The following NPHP4 variants were observed in gnomAD, a reference collection of about 807,000 sequenced individuals.
NPHP4 encodes the protein nephrocystin 4, also known as nephrocystin-4.
NPHP4 carries 151 observed loss-of-function variants against 155.8 expected under a neutral mutation model. The observed-to-expected ratio is 0.97, with a 90% CI of 0.85 to 1.11. The LOEUF (loss-of-function observed/expected upper bound fraction) is 1.11, where lower values mean the gene tolerates loss of function less well. Ranked by LOEUF, NPHP4 falls within the 50% of genes least tolerant of loss-of-function variation. The probability of loss-of-function intolerance (pLI) is 0.00; values close to 1 mark genes in which losing one functional copy is unlikely to be tolerated. For missense variants in NPHP4, 1,956 were observed against 1,925.7 expected, an observed-to-expected ratio of 1.02 and a Z score of -0.29; for synonymous variants, 845 against 816.8, an observed-to-expected ratio of 1.03 and a Z score of -0.59.
At chr1:5,898,338 C>A (rs1187934424) in intron 16 of NPHP4, among the ~76,000 whole-genome samples, 1 of 152,188 alleles carries the variant, frequency 6.6e-6, no homozygotes, top group Non-Finnish European at 1.5e-5. Context: ...GGCAGAGCCC[C>A]CCAAAAAGTG....
intron 19 of NPHP4, among the ~76,000 whole-genome samples, chr1:5,879,860 CGCACACACACAT>C (rs1557635210): frequency 2.0e-5 from 3 of 150,526 alleles, no homozygotes; most frequent in East Asian, 1.9e-4. Flanking sequence ...CACACAGACA[CGCACACACACAT>C]GCACACACAG....
At position 5,867,447 on chromosome 1, in the gene NPHP4, G is replaced by T; in HGVS notation, c.3472+293C>A. ...GGCACCTACCAGAAACACGCGGGCC[G>T]TCAGGTGAGGAGGTAGGTGTTCCTC... On this transcript the variant is annotated intron_variant, in intron 24 of 29. Coordinates refer to ENST00000378156, the MANE Select transcript of NPHP4 (RefSeq NM_015102.5). This position sits in a 1 kb window ranked among gnomAD's most constrained non-coding sequence, Gnocchi z 4.1. 1 of 550,528 alleles carries T rather than the reference G, an allele frequency of 1.8e-6. No homozygotes were observed. 34.1% of individuals were successfully genotyped at this position (550,528 alleles called of 1,614,324 possible).
At chr1:5,883,581 C>G (rs1363128907) in intron 18 of NPHP4, among the ~76,000 whole-genome samples, 1 of 152,234 alleles carries the variant, frequency 6.6e-6, no homozygotes, top group Non-Finnish European at 1.5e-5. Flanking sequence ...AAGGAGGGGC[C>G]TCCCAGGCAC....
At chr1:5,928,822 T>C (rs1323365719) in intron 10 of NPHP4, among the ~76,000 whole-genome samples, 1 of 152,228 alleles carries the variant, frequency 6.6e-6, no homozygotes, top group Non-Finnish European at 1.5e-5. Context: ...AAAATCCTGC[T>C]GAGATTTTGA....
At position 5,944,650 on chromosome 1, in the gene NPHP4, G is replaced by C. The variant is rs1178596351; in HGVS notation, c.1119+2454C>G. Among the ~76,000 whole-genome samples the C allele has an allele frequency of 6.6e-6, 1 of 152,222 alleles. No individual in the cohort carries two copies. Among genetic ancestry groups the C allele is most frequent in the African/African-American group, 2.4e-5 (1 of 41,460 alleles). The stretch of plus-strand genomic sequence containing the variant: ...AGTAAAGTGGAATCCAGTATTCCCA[G>C]TTACAATCGACCAGCACATCGGAAA... On this transcript the variant is annotated intron_variant, in intron 9 of 29. Coordinates refer to ENST00000378156, the MANE Select transcript of NPHP4 (RefSeq NM_015102.5). This position sits in a 1 kb window ranked among gnomAD's most constrained non-coding sequence, Gnocchi z 4.3.
At chr1:5,925,749 G>A (rs111785118) in intron 11 of NPHP4, among the ~76,000 whole-genome samples, 4 of 152,194 alleles carry the variant, frequency 2.6e-5, no homozygotes, top group African/African-American at 9.6e-5. Flanking sequence ...CCAAGTAACT[G>A]GGACTACAGG....
At chr1:5,971,480 G>C (rs1269924675) in intron 3 of NPHP4, among the ~76,000 whole-genome samples, 1 of 152,180 alleles carries the variant, frequency 6.6e-6, no homozygotes, top group Non-Finnish European at 1.5e-5. Flanking sequence ...CCAAGCTAAA[G>C]AATTTATAAC....
At chr1:5,985,519 C>A (rs1655343629) in intron 2 of NPHP4, among the ~76,000 whole-genome samples, 1 of 152,262 alleles carries the variant, frequency 6.6e-6, no homozygotes, top group Admixed American at 6.5e-5. Context: ...CACTGCCAGG[C>A]TGAAAGCGGG....
chr1:5,953,523 C>T (rs1199929462), intron 6 of NPHP4, among the ~76,000 whole-genome samples: 2 of 152,200 alleles, frequency 1.3e-5, no homozygotes, highest in Non-Finnish European at 2.9e-5. Context: ...AGCAGGAACA[C>T]GGCCAGCCAC....
intron 11 of NPHP4, among the ~76,000 whole-genome samples, chr1:5,920,736 T>A (rs1645702856): frequency 6.6e-6 from 1 of 152,252 alleles, no homozygotes; most frequent in Non-Finnish European, 1.5e-5. Context: ...CTTTCTAATC[T>A]TCTCATCTTA....
intron 19 of NPHP4, 125 bp downstream of exon 19, chr1:5,879,989 G>T: frequency 8.5e-7 from 1 of 1,171,570 alleles, no homozygotes; most frequent in Non-Finnish European, 1.2e-6. Flanking sequence ...GGCACTGACA[G>T]CACCACGAAT....
At chr1:5,902,061 G>C (rs1644708817) in intron 16 of NPHP4, among the ~76,000 whole-genome samples, 1 of 152,156 alleles carries the variant, frequency 6.6e-6, no homozygotes, top group South Asian at 2.1e-4. Context: ...GCCTTCCCTG[G>C]CTTCACACCT....
chr1:5,942,105 T>C (rs1414710846), intron 9 of NPHP4, among the ~76,000 whole-genome samples: 1 of 152,138 alleles, frequency 6.6e-6, no homozygotes, highest in Non-Finnish European at 1.5e-5. Context: ...GATGAACACA[T>C]GCACGTCTGG....
intron 10 of NPHP4, among the ~76,000 whole-genome samples, chr1:5,930,228 T>C (rs1486067032): frequency 6.6e-6 from 1 of 152,348 alleles, no homozygotes; most frequent in East Asian, 1.9e-4. Context: ...TTTACTGATA[T>C]TTTCAAACAG....
intron 6 of NPHP4, among the ~76,000 whole-genome samples, chr1:5,958,708 A>C (rs1236793469): frequency 1.3e-5 from 2 of 151,422 alleles, no homozygotes; most frequent in Non-Finnish European, 2.9e-5. Flanking sequence ...AAAAAAAAAA[A>C]ATTAGCCAGG....
At chr1:5,959,065 G>A (rs7554679) in intron 6 of NPHP4, among the ~76,000 whole-genome samples, 25,902 of 151,310 alleles carry the variant, frequency 0.17, 2,333 homozygotes, top group African/African-American at 0.22. Flanking sequence ...GGCAGGTGTT[G>A]CTGAGATACC....
At position 5,879,310 on chromosome 1, in the gene NPHP4, G is replaced by C. The variant is rs1289062632; in HGVS notation, c.2611+804C>G. ...AGCACTTCCCACTTGTAATTCAAAT[G>C]ACAAGTACTTTATACTCAGGTCTGT... On this transcript the variant is annotated intron_variant, in intron 19 of 29. Transcript: ENST00000378156. The C allele has an allele frequency of 2.2e-5, 7 of 317,770 alleles. No homozygotes were observed. In the East Asian group the frequency reaches 5.8e-4, roughly 26 times the overall value. The allele number at this position is 317,770 out of a possible 1,614,324, so 19.7% of individuals were successfully genotyped here.
intron 12 of NPHP4, among the ~76,000 whole-genome samples, chr1:5,908,381 T>C (rs1357744168): frequency 1.3e-5 from 2 of 152,240 alleles, no homozygotes; most frequent in South Asian, 2.1e-4. Context: ...AGCTGCTTCC[T>C]TGGAGACAGC....
At chr1:5,871,060 G>A (rs912334155) in intron 23 of NPHP4, among the ~76,000 whole-genome samples, 1 of 152,226 alleles carries the variant, frequency 6.6e-6, no homozygotes, top group African/African-American at 2.4e-5. Flanking sequence ...CCAGCTCGAA[G>A]TGTCATGGAG....
Sources: allele counts gnomAD v4.1 joint callset (sites outside exome capture counted in the v4.1 genomes callset), GRCh38; gene constraint gnomAD v4.1.1; non-coding constraint Gnocchi (gnomAD v3.1); transcripts MANE v1.5; gene names NCBI Gene and HGNC (gene_info 2026-07-23, HGNC 2026-07-21).